TFPI: variants seen among roughly 807,000 people sequenced by gnomAD.
The protein encoded by TFPI is anti-convertin.
In TFPI, 15 loss-of-function variants were observed where a neutral mutation model predicts 34.6. That is an observed-to-expected ratio of 0.43 (90% CI 0.29 to 0.67). TFPI has a LOEUF of 0.67. Ranked by LOEUF, TFPI falls within the 30% of genes least tolerant of loss-of-function variation. The pLI is 0.15. For missense variants in TFPI, 301 were observed against 364.0 expected, an observed-to-expected ratio of 0.83 and a Z score of 1.41; for synonymous variants, 105 against 120.1, an observed-to-expected ratio of 0.87 and a Z score of 0.82.
Position 187,466,778 on chromosome 2 carries a change from G to C in TFPI, c.*158C>G, listed in dbSNP as rs1439602002. On this transcript the variant is annotated 3_prime_UTR_variant, in exon 8 of 8. Coordinates refer to ENST00000233156, the MANE Select transcript of TFPI (RefSeq NM_006287.6). ...TAAGCAATTTAACAAGATTAGAAAA[G>C]CAACTCTGATACAAACGTGTTGATA... 2.4e-6 allele frequency: 1 copy of C among 413,276 alleles called. No individual in the cohort carries two copies. Among genetic ancestry groups the C allele is most frequent in the African/African-American group, 2.1e-5 (1 of 47,126 alleles). 25.6% of individuals were successfully genotyped at this position (413,276 alleles called of 1,614,324 possible). A position where few individuals can be genotyped will look rare whatever the true frequency, so the allele number is the denominator to read the frequency against.
chr2:187,499,708 C>T (rs994572025), intron 2 of TFPI: 4 of 151,318 alleles, frequency 2.6e-5, no homozygotes, highest in African/African-American at 4.9e-5. Context: ...TATGGGACCC[C>T]AGAATTCACA....
chr2:187,512,756 A>C (rs550308132), intron 1 of TFPI, among the ~76,000 whole-genome samples: 133 of 151,310 alleles, frequency 8.8e-4, no homozygotes, highest in African/African-American at 3.2e-3. Flanking sequence ...TCATCTTCAA[A>C]AAAAAGGGAA....
chr2:187,519,797 A>G (rs1485833116), intron 1 of TFPI: 1 of 152,202 alleles, frequency 6.6e-6, no homozygotes, highest in East Asian at 1.9e-4. Flanking sequence ...AGTTTGATCT[A>G]TAAGCCCCTG....
At chr2:187,502,715 A>T (rs1685931130) in intron 2 of TFPI, among the ~76,000 whole-genome samples, 1 of 152,008 alleles carries the variant, frequency 6.6e-6, no homozygotes, top group Non-Finnish European at 1.5e-5. Context: ...TACGGAAATA[A>T]ACTGTCCACC....
intron 3 of TFPI, among the ~76,000 whole-genome samples, chr2:187,489,568 A>G (rs879845983): frequency 6.6e-6 from 1 of 151,584 alleles, no homozygotes. Flanking sequence ...GAAGAAAGAA[A>G]TGTATACATA....
Position 187,552,006 on chromosome 2 carries a change from T to C in TFPI, c.-3+2194A>G, listed in dbSNP as rs555752026. On this transcript the variant is annotated intron_variant, in intron 1 of 7. Coordinates refer to ENST00000233156, the MANE Select transcript of TFPI (RefSeq NM_006287.6). The stretch of plus-strand genomic sequence containing the variant: ...CATAGAAAAAAATAAATTGATGATA[T>C]AATTAACCCATTTTAACCTATATTA... Among the ~76,000 whole-genome samples the C allele has an allele frequency of 6.6e-5, 10 of 152,292 alleles. No individual in the cohort carries two copies. The South Asian group carries it at 1.0e-3, about 16-fold the overall frequency.
chr2:187,507,464 T>C (rs922450645), intron 1 of TFPI, among the ~76,000 whole-genome samples: 3 of 152,216 alleles, frequency 2.0e-5, no homozygotes, highest in African/African-American at 7.2e-5. Flanking sequence ...TCCACAATGG[T>C]TGAACTAATT....
At chr2:187,471,887 T>C (rs1398456834) in intron 6 of TFPI, among the ~76,000 whole-genome samples, 1 of 152,126 alleles carries the variant, frequency 6.6e-6, no homozygotes. Flanking sequence ...AACTAGGTTT[T>C]AAGAAATATC....
At chr2:187,535,245 A>G (rs1249463850) in intron 1 of TFPI, among the ~76,000 whole-genome samples, 3 of 152,212 alleles carry the variant, frequency 2.0e-5, no homozygotes, top group East Asian at 3.8e-4. Flanking sequence ...GACCTAATAG[A>G]CATCTACAGA....
At chr2:187,542,207 C>T (rs566706166) in intron 1 of TFPI, among the ~76,000 whole-genome samples, 17 of 151,560 alleles carry the variant, frequency 1.1e-4, no homozygotes, top group African/African-American at 3.6e-4. Context: ...ATAGCAGATG[C>T]GAACCCAGGC....
intron 2 of TFPI, among the ~76,000 whole-genome samples, chr2:187,503,029 T>C (rs1685954084): frequency 6.6e-6 from 1 of 152,134 alleles, no homozygotes; most frequent in African/African-American, 2.4e-5. Context: ...AAAATGTTAC[T>C]TTAAGAAAGG....
At chr2:187,469,268 T>C (rs1460041325) in intron 6 of TFPI, among the ~76,000 whole-genome samples, 4 of 152,086 alleles carry the variant, frequency 2.6e-5, no homozygotes, top group East Asian at 3.8e-4. Flanking sequence ...ACAGGTGATA[T>C]TTTTGTGCCA....
intron 1 of TFPI, among the ~76,000 whole-genome samples, chr2:187,537,120 T>C (rs1688303876): frequency 1.3e-5 from 2 of 152,216 alleles, no homozygotes; most frequent in African/African-American, 4.8e-5. Context: ...TTCATGCTCA[T>C]GGATAAGAAA....
At chr2:187,522,743 A>G (rs1452925719) in intron 1 of TFPI, among the ~76,000 whole-genome samples, 2 of 148,696 alleles carry the variant, frequency 1.3e-5, no homozygotes, top group Middle Eastern at 3.4e-3. Context: ...AAAAAAAAAA[A>G]ACCCAGGCAC....
At chr2:187,550,217 A>AT (rs1346320039) in intron 1 of TFPI, among the ~76,000 whole-genome samples, 1 of 152,142 alleles carries the variant, frequency 6.6e-6, no homozygotes, top group Non-Finnish European at 1.5e-5. Context: ...TGTTGCATTC[A>AT]TAAGAGAAAA....
intron 6 of TFPI, among the ~76,000 whole-genome samples, chr2:187,471,856 A>G (rs748528874): frequency 1.3e-5 from 2 of 151,998 alleles, no homozygotes; most frequent in Non-Finnish European, 2.9e-5. Flanking sequence ...TTGCCTACTT[A>G]GGCTTTTGTT....
chr2:187,496,016 A>C lies in TFPI; in HGVS notation c.319+865T>G, dbSNP rs375581694. Among the ~76,000 whole-genome samples the C allele has an allele frequency of 1.9e-3, 282 of 152,292 alleles. 3 individuals carry two copies. The highest frequency in any genetic ancestry group is 6.7e-3 in the African/African-American group (277 of 41,564). ...AGAAGATATAAAATCCCATACAATA[A>C]AGTAATTAGCAAAATTTGCAAAAAT... On this transcript the variant is annotated intron_variant, in intron 3 of 7. Transcript: ENST00000233156.
At position 187,467,832 on chromosome 2, in the gene TFPI, G is replaced by T; in HGVS notation, c.729C>A (p.Arg243=). 6.2e-7 allele frequency: 1 copy of T among 1,612,662 alleles called. No individual in the cohort carries two copies. The highest frequency in any genetic ancestry group is 8.5e-7 in the Non-Finnish European group (1 of 1,179,336). Residue 243 remains arginine (R), a synonymous_variant, in exon 7 of 8, where the codon CGC becomes CGA. Transcript: ENST00000233156. Reference sequence around the variant, plus strand: ...CCCCACATCCACTGTACTTAAATGGGCGGCATTTCCCAATGACTGAATTGT... The same window carrying T: ...CCCCACATCCACTGTACTTAAATGGTCGGCATTTCCCAATGACTGAATTGT... The part of the protein sequence containing the change: ...FYYNSVIGKC[R]PFKYSGCGGN...
At chr2:187,550,147 A>G (rs1374062682) in intron 1 of TFPI, among the ~76,000 whole-genome samples, 1 of 152,120 alleles carries the variant, frequency 6.6e-6, no homozygotes, top group African/African-American at 2.4e-5. Flanking sequence ...ACAGAGTTAC[A>G]CAGAAAGAAA....
Sources: gnomAD v4.1 joint callset for allele counts (sites outside exome capture counted in the v4.1 genomes callset) on GRCh38, gnomAD v4.1.1 for gene constraint, MANE v1.5 for transcripts, NCBI Gene and HGNC (gene_info 2026-07-23, HGNC 2026-07-21) for gene names.